Variants in CEP192 observed in about 807,000 individuals in gnomAD.
CEP192 encodes centrosomal protein of 192 kDa.
Under a neutral mutation model 271.8 loss-of-function variants are expected in CEP192, and 151 were observed. That is an observed-to-expected ratio of 0.56 (90% CI 0.49 to 0.64). CEP192 has a LOEUF of 0.64. Ranked by LOEUF, CEP192 falls within the 30% of genes least tolerant of loss-of-function variation. The pLI is 0.00. For missense variants in CEP192, 2,910 were observed against 3,020.5 expected, an observed-to-expected ratio of 0.96 and a Z score of 0.86; for synonymous variants, 995 against 1,076.5, an observed-to-expected ratio of 0.92 and a Z score of 1.48.
At chr18:13,060,475 A>G (rs2144230150) in intron 21 of CEP192, among the ~76,000 whole-genome samples, 1 of 152,320 alleles carries the variant, frequency 6.6e-6, no homozygotes, top group Admixed American at 6.5e-5. Context: ...GGCTACACCA[A>G]ATTCATAAAA....
At chr18:13,000,844 T>G (rs892185112) in intron 2 of CEP192, among the ~76,000 whole-genome samples, 2 of 152,096 alleles carry the variant, frequency 1.3e-5, no homozygotes, top group African/African-American at 4.8e-5. Context: ...TCCCAGCTAC[T>G]CGGGAGGCTG....
chr18:13,046,147 G>A lies in CEP192; in HGVS notation c.2068-2712G>A, dbSNP rs374507692. On this transcript the variant is annotated intron_variant, in intron 15 of 44. Transcript: ENST00000506447. Reference sequence around the variant, plus strand: ...CTTCTGGGGGGGCCTCAGGAAGCTTGCAATCATGGCAGAAGGCGAAGCGGG... The same window carrying A: ...CTTCTGGGGGGGCCTCAGGAAGCTTACAATCATGGCAGAAGGCGAAGCGGG... Among the ~76,000 whole-genome samples, 20 of 152,260 alleles carry A rather than the reference G, an allele frequency of 1.3e-4. No individual in the cohort carries two copies. The East Asian group carries it at 2.1e-3, about 16-fold the overall frequency.
Position 13,048,785 on chromosome 18 carries a change from A to G in CEP192, c.2068-74A>G, listed in dbSNP as rs73950981. The G allele has an allele frequency of 1.5e-3, 1,520 of 1,009,108 alleles. 19 individuals are homozygous for G. In the African/African-American group the frequency reaches 0.022, roughly 14 times the overall value. 62.5% of individuals were successfully genotyped at this position (1,009,108 alleles called of 1,614,324 possible). Reference sequence around the variant, plus strand: ...TGGAGGTTTTGAAACGCATCTCCCAATGATAATGGGGGACTAATGAATGTT... The same window carrying G: ...TGGAGGTTTTGAAACGCATCTCCCAGTGATAATGGGGGACTAATGAATGTT... On this transcript the variant is annotated intron_variant, in intron 15 of 44. Coordinates refer to ENST00000506447, the MANE Select transcript of CEP192 (RefSeq NM_032142.4).
intron 21 of CEP192, among the ~76,000 whole-genome samples, chr18:13,061,886 G>C (rs2037427746): frequency 6.6e-6 from 1 of 152,246 alleles, no homozygotes; most frequent in South Asian, 2.1e-4. Context: ...AGCCATCCCT[G>C]GTAGGAACCA....
At chr18:13,023,426 C>T (rs1246447086) in intron 9 of CEP192, among the ~76,000 whole-genome samples, 3 of 147,672 alleles carry the variant, frequency 2.0e-5, no homozygotes, top group African/African-American at 7.4e-5. Context: ...ATGTTTCTCT[C>T]TCTAGTTTAC....
chr18:13,047,806 T>C (rs7231935), intron 15 of CEP192, among the ~76,000 whole-genome samples: 13,688 of 152,276 alleles, frequency 0.09, 728 homozygotes, highest in South Asian at 0.19. Context: ...ATTCTAACAG[T>C]TGAATGAAAT....
In CEP192 at chr18:13,100,361, T is replaced by C. The variant is rs2039647849; in HGVS notation, c.6720T>C (p.Arg2240=). ...EDLTQVELLT[R]LTSKPFGILS... ...TAACTCAAGTGGAACTTTTAACTCGTTTGACCTCCAAACCATTTGGAATTC... is the reference window on the plus strand; with the variant it reads ...TAACTCAAGTGGAACTTTTAACTCGCTTGACCTCCAAACCATTTGGAATTC... Residue 2240 remains arginine, a synonymous_variant, in exon 38 of 45, where the codon CGT becomes CGC. Coordinates refer to ENST00000506447, the MANE Select transcript of CEP192 (RefSeq NM_032142.4). The C allele has an allele frequency of 1.9e-6, 3 of 1,614,128 alleles. No homozygotes were observed. The East Asian group carries it at 6.7e-5, about 36-fold the overall frequency.
chr18:13,063,533 T>G (rs1446910449), intron 21 of CEP192, among the ~76,000 whole-genome samples: 1 of 152,234 alleles, frequency 6.6e-6, no homozygotes, highest in Non-Finnish European at 1.5e-5. Context: ...AAATGTCTAT[T>G]CAAATATTTT....
chr18:13,069,275 A>G (rs2037882802), intron 26 of CEP192, 94 bp downstream of exon 26: 8 of 1,035,852 alleles, frequency 7.7e-6, no homozygotes, highest in South Asian at 1.3e-5. Context: ...TCCTGGCCCA[A>G]CAGAGTGCCC....
intron 30 of CEP192, among the ~76,000 whole-genome samples, chr18:13,073,914 C>T (rs1415598214): frequency 1.3e-5 from 2 of 152,156 alleles, no homozygotes; most frequent in Non-Finnish European, 2.9e-5. Flanking sequence ...ACTGAATTTG[C>T]CAGCTCCAAG....
intron 36 of CEP192, among the ~76,000 whole-genome samples, chr18:13,097,647 TTA>T (rs2039466956): frequency 1.4e-5 from 2 of 140,316 alleles, no homozygotes; most frequent in African/African-American, 5.3e-5. Context: ...TTTTTAACTA[TTA>T]TTTTTTTTTT....
chr18:13,041,808 C>T (rs1409098353), intron 14 of CEP192, among the ~76,000 whole-genome samples: 2 of 152,118 alleles, frequency 1.3e-5, no homozygotes, highest in African/African-American at 2.4e-5. Flanking sequence ...TCAAGTGATC[C>T]GCCCACCTCA....
chr18:13,071,292 T>C, intron 28 of CEP192, 80 bp downstream of exon 28: 2 of 1,307,430 alleles, frequency 1.5e-6, no homozygotes, highest in Non-Finnish European at 2.1e-6. Flanking sequence ...TGCAGGAAAA[T>C]TTTGTCATAA....
chr18:13,042,164 A>G, intron 14 of CEP192, 40 bp from the exon 15 acceptor site: 1 of 1,549,778 alleles, frequency 6.5e-7, no homozygotes, highest in Non-Finnish European at 8.8e-7. Context: ...TTTGTCAAAT[A>G]GTGTATACTT....
intron 30 of CEP192, among the ~76,000 whole-genome samples, chr18:13,074,847 C>T (rs767089742): frequency 2.0e-5 from 3 of 152,184 alleles, no homozygotes; most frequent in Non-Finnish European, 4.4e-5. Flanking sequence ...CTGTTACTTA[C>T]CTCTCTCATC....
Position 13,049,591 on chromosome 18 carries a change from C to G in CEP192, c.2800C>G (p.Gln934Glu). 2 of 1,613,786 alleles carry G rather than the reference C, an allele frequency of 1.2e-6. No individual in the cohort carries two copies. Among genetic ancestry groups the G allele is most frequent in the South Asian group, 2.2e-5 (2 of 91,038 alleles). Residue 934 changes from glutamine (Q) to glutamate (E), a missense_variant, in exon 16 of 45, where the codon CAG becomes GAG. By Grantham distance (29) the Gln-to-Glu change is conservative. Coordinates refer to ENST00000506447, the MANE Select transcript of CEP192 (RefSeq NM_032142.4). ...CEEIRDNREN[Q>E]RQNECVSEIS... The stretch of plus-strand genomic sequence containing the variant: ...AGAAATACGAGATAACAGAGAAAAT[C>G]AGAGGCAAAATGAGTGTGTCAGTGA...
At chr18:13,088,129 A>C (rs1379987427) in intron 32 of CEP192, among the ~76,000 whole-genome samples, 1 of 152,256 alleles carries the variant, frequency 6.6e-6, no homozygotes, top group Non-Finnish European at 1.5e-5. Flanking sequence ...AGATACTTAA[A>C]AAGTATGAAC....
At chr18:13,084,598 G>A (rs778067744) in intron 30 of CEP192, among the ~76,000 whole-genome samples, 10 of 152,232 alleles carry the variant, frequency 6.6e-5, no homozygotes, top group South Asian at 2.1e-4. Context: ...GCAATGCCCC[G>A]CCCTGCTTCA....
chr18:13,055,826 C>T lies in CEP192; in HGVS notation c.3236C>T (p.Pro1079Leu). 1 of 1,605,900 alleles carries T rather than the reference C, an allele frequency of 6.2e-7. No individual in the cohort carries two copies. ...ELSTTIIQGS[P>L]AALEERAMEK... ...AGTACCACAATTATTCAAGGCAGTC[C>T]AGCCGCATTGGAGGAACGGGCTATG... Residue 1079 changes from proline (P) to leucine (L), a missense_variant, in exon 19 of 45, where the codon CCA becomes CTA. Pro to Leu is a moderately conservative substitution (Grantham distance 98). Transcript: ENST00000506447.
Sources: allele counts gnomAD v4.1 joint callset (sites outside exome capture counted in the v4.1 genomes callset), GRCh38; gene constraint gnomAD v4.1.1; transcripts MANE v1.5; gene names NCBI Gene and HGNC (gene_info 2026-07-23, HGNC 2026-07-21).